The following LGSN variants were observed in gnomAD, a reference collection of about 807,000 sequenced individuals.
LGSN encodes lengsin, lens protein with glutamine synthetase domain, also known as lengsin.
Under a neutral mutation model 19.5 loss-of-function variants are expected in LGSN, and 21 were observed. That is an observed-to-expected ratio of 1.07 (90% confidence interval 0.76 to 1.55). The LOEUF (loss-of-function observed/expected upper bound fraction) is 1.55, where lower values mean the gene tolerates loss of function less well. LGSN is among the 40% of genes most tolerant of loss of function. The probability of loss-of-function intolerance (pLI) is 0.00; values close to 1 mark genes in which losing one functional copy is unlikely to be tolerated. For synonymous variants in LGSN, 257 were observed against 215.6 expected (o/e 1.19, Z -1.68); for missense variants, 673 against 608.5 (o/e 1.11, Z -1.12).
chr6:63,457,883 A>T, the LGSN span, among the ~76,000 whole-genome samples: 41 of 152,158 alleles, frequency 2.7e-4, no homozygotes, highest in Non-Finnish European at 4.4e-4. Context: ...CATTTCAAAT[A>T]AATAAATTAA....
chr6:63,311,457 C>G (rs912244935), intron 1 of LGSN, among the ~76,000 whole-genome samples: 2 of 152,176 alleles, frequency 1.3e-5, no homozygotes, highest in Non-Finnish European at 2.9e-5. Context: ...ATTGTTTAAT[C>G]TCTTCTCAAA....
At chr6:63,381,817 T>A in the LGSN span, among the ~76,000 whole-genome samples, 2 of 152,328 alleles carry the variant, frequency 1.3e-5, no homozygotes, top group South Asian at 4.1e-4. Flanking sequence ...ACCCCCAGAT[T>A]ATGGCATTAT....
At chr6:63,428,460 T>C in the LGSN span, among the ~76,000 whole-genome samples, 1 of 152,150 alleles carries the variant, frequency 6.6e-6, no homozygotes, top group South Asian at 2.1e-4. Context: ...CAAGCAACTC[T>C]CCTGCCTCAG....
rs1767916724 is a variant in LGSN, at chr6:63,294,908, G to C, written c.163+5C>G. ...CATTTTTGAGGACTCAGAGTAGTTA[G>C]ATACCATTTGAATTGGACATATCCG... On this transcript the variant is annotated splice_donor_5th_base_variant and intron_variant, in intron 2 of 3. Coordinates refer to ENST00000370657, the MANE Select transcript of LGSN (RefSeq NM_016571.3). 1.7e-5 allele frequency: 27 copies of C among 1,613,696 alleles called. No homozygotes were observed. The highest frequency in any genetic ancestry group is 2.2e-5 in the Non-Finnish European group (26 of 1,179,770).
At chr6:63,518,335 T>C in the LGSN span, among the ~76,000 whole-genome samples, 1 of 152,180 alleles carries the variant, frequency 6.6e-6, no homozygotes, top group Non-Finnish European at 1.5e-5. Flanking sequence ...TTGTTACTTG[T>C]ACCTAAACTA....
chr6:63,296,882 GT>G (rs1308415156), intron 1 of LGSN, among the ~76,000 whole-genome samples: 2 of 151,780 alleles, frequency 1.3e-5, no homozygotes, highest in Non-Finnish European at 2.9e-5. Flanking sequence ...AAAATACCTT[GT>G]TTTTCAACAT....
the LGSN span, among the ~76,000 whole-genome samples, chr6:63,447,973 T>C: frequency 6.6e-6 from 1 of 152,206 alleles, no homozygotes; most frequent in African/African-American, 2.4e-5. Context: ...GCCTAGTGAA[T>C]TATATTTGTC....
At chr6:63,510,326 G>A in the LGSN span, among the ~76,000 whole-genome samples, 2 of 151,916 alleles carry the variant, frequency 1.3e-5, no homozygotes, top group Non-Finnish European at 1.5e-5. Flanking sequence ...AGACCCAAGC[G>A]ATTTGCACAA....
rs764531238 is a variant in LGSN at position 63,280,710 on chromosome 6, T to C, written c.841A>G (p.Asn281Asp). The change falls in exon 4 of 4, where the codon AAT (asparagine) becomes GAT (aspartate). Residue 281 changes from asparagine to aspartate, a missense_variant. Coordinates refer to ENST00000370657, the MANE Select transcript of LGSN (RefSeq NM_016571.3). Reference protein sequence around the residue: ...LPEFGISSADNAFTLRTGVKE... With the variant: ...LPEFGISSADDAFTLRTGVKE... ...ACACCTGTTCTGAGGGTAAATGCAT[T>C]ATCAGCTGAGCTAATGCCAAATTCA... 6 of 1,614,004 alleles carry C rather than the reference T, an allele frequency of 3.7e-6. No homozygotes were observed. The highest frequency in any genetic ancestry group is 2.2e-5 in the East Asian group (1 of 44,886).
chr6:63,464,995 T>C, the LGSN span, among the ~76,000 whole-genome samples: 36 of 141,698 alleles, frequency 2.5e-4, no homozygotes, highest in African/African-American at 8.9e-4. Context: ...CATTGCACTA[T>C]AGCCTGGGTG....
At position 63,280,340 on chromosome 6, in the gene LGSN, C is replaced by T. The variant is rs199883532; in HGVS notation, c.1211G>A (p.Arg404Gln). The change falls in exon 4 of 4, where the codon CGG becomes CAG. Residue 404 changes from arginine (R) to glutamine (Q), a missense_variant. Transcript: ENST00000370657. ...NIKCHGEKGT[R>Q]IENKLGSATA... Reference sequence around the variant, plus strand: ...TGCTGAGCCTAGTTTATTTTCTATCCGGGTGCCTTTCTCTCCATGACATTT... The same window carrying T: ...TGCTGAGCCTAGTTTATTTTCTATCTGGGTGCCTTTCTCTCCATGACATTT... 385 of 1,614,158 alleles carry T rather than the reference C, an allele frequency of 2.4e-4. 2 individuals carry two copies. The highest frequency in any genetic ancestry group is 1.0e-3 in the South Asian group (92 of 91,082).
At chr6:63,504,396 C>T in the LGSN span, among the ~76,000 whole-genome samples, 2 of 152,166 alleles carry the variant, frequency 1.3e-5, no homozygotes, top group African/African-American at 4.8e-5. Context: ...TGCCCACCAC[C>T]ACGCCCAGCT....
At chr6:63,520,077 C>T in the LGSN span, among the ~76,000 whole-genome samples, 2 of 152,114 alleles carry the variant, frequency 1.3e-5, no homozygotes, top group Non-Finnish European at 2.9e-5. Context: ...CATAAATTTG[C>T]GAGAACATAA....
At chr6:63,568,883 T>C in the LGSN span, among the ~76,000 whole-genome samples, 2 of 152,178 alleles carry the variant, frequency 1.3e-5, no homozygotes, top group South Asian at 2.1e-4. Flanking sequence ...TCTGCACTAG[T>C]ATCCAGACAC....
At chr6:63,397,378 G>A in the LGSN span, among the ~76,000 whole-genome samples, 1 of 151,146 alleles carries the variant, frequency 6.6e-6, no homozygotes, top group African/African-American at 2.4e-5. Flanking sequence ...ATGGCTCAAA[G>A]CCATAAAGTA....
chr6:63,404,350 T>C, the LGSN span, among the ~76,000 whole-genome samples: 1 of 151,938 alleles, frequency 6.6e-6, no homozygotes, highest in African/African-American at 2.4e-5. Context: ...CAAAAAGAAA[T>C]AGATAATATT....
At chr6:63,516,676 G>A in the LGSN span, among the ~76,000 whole-genome samples, 1 of 152,166 alleles carries the variant, frequency 6.6e-6, no homozygotes, top group African/African-American at 2.4e-5. Context: ...GGACACACAG[G>A]TGAGTGGAAA....
chr6:63,445,432 A>G, the LGSN span, among the ~76,000 whole-genome samples: 1 of 152,168 alleles, frequency 6.6e-6, no homozygotes, highest in East Asian at 1.9e-4. Flanking sequence ...AGCCTGGCCA[A>G]CATGGTGAAA....
chr6:63,417,558 T>C, the LGSN span, among the ~76,000 whole-genome samples: 8 of 152,232 alleles, frequency 5.3e-5, no homozygotes, highest in Non-Finnish European at 1.0e-4. Flanking sequence ...TCTGTCTGTT[T>C]AAATAGCAGA....
Sources: allele counts gnomAD v4.1 joint callset (sites outside exome capture counted in the v4.1 genomes callset), GRCh38; gene constraint gnomAD v4.1.1; transcripts MANE v1.5; gene names NCBI Gene and HGNC (gene_info 2026-07-23, HGNC 2026-07-21).